Variants in PRDM15 observed in about 807,000 individuals in gnomAD.
PRDM15 encodes PR/SET domain 15, also known as PR domain zinc finger protein 15.
A neutral mutation model predicts 128.6 loss-of-function variants in PRDM15; 64 were observed. The observed-to-expected ratio is 0.50, with a 90% CI of 0.41 to 0.61. The LOEUF (loss-of-function observed/expected upper bound fraction) is 0.61. Among genes scored for constraint, PRDM15 ranks in the 20% least tolerant of loss-of-function variants. The pLI is 0.00. For synonymous variants in PRDM15, 615 were observed against 621.8 expected (o/e 0.99, Z 0.16); for missense variants, 1,242 against 1,569.1 (o/e 0.79, Z 3.52).
intron 5 of PRDM15, among the ~76,000 whole-genome samples, chr21:41,851,541 G>C (rs1342130746): frequency 6.6e-6 from 1 of 152,238 alleles, no homozygotes; most frequent in Non-Finnish European, 1.5e-5. Context: ...GGTGGCAGAG[G>C]GTGAGAGGCA....
At chr21:41,851,947 C>T (rs73906106) in intron 5 of PRDM15, among the ~76,000 whole-genome samples, 4,872 of 152,294 alleles carry the variant, frequency 0.032, 210 homozygotes, top group African/African-American at 0.094. Context: ...GGTGACCATA[C>T]GTTCCCATTT....
intron 19 of PRDM15, 33 bp downstream of exon 19, chr21:41,815,672 C>G (rs1375262047): frequency 6.2e-7 from 1 of 1,609,162 alleles, no homozygotes; most frequent in South Asian, 1.1e-5. Context: ...ACAGTGAGCG[C>G]CGTGGCTGGC....
rs751258278 is a variant in PRDM15 at position 41,810,214 on chromosome 21, G to A, written c.2592C>T (p.Cys864=). 1.2e-5 allele frequency: 19 copies of A among 1,612,606 alleles called. No individual in the cohort carries two copies. In the East Asian group the frequency reaches 1.8e-4, roughly 15 times the overall value. The change falls in exon 21 of 24, where the codon TGC becomes TGT. Residue 864 remains cysteine, a synonymous_variant. Transcript: ENST00000398548. This position sits in a 1 kb window ranked among gnomAD's most constrained non-coding sequence, Gnocchi z 6.4. The stretch of plus-strand genomic sequence containing the variant: ...AGGCCCTGGTGGACACCTTGGTCCC[G>A]CACAGCTGGCAGCTCTGCGCCTCCA... ...DKVEAQSCQL[C]GTKVSTRASM... is the part of the protein sequence containing the mutation.
chr21:41,817,342 G>A (rs2146343302), intron 18 of PRDM15, among the ~76,000 whole-genome samples: 1 of 152,278 alleles, frequency 6.6e-6, no homozygotes, highest in Middle Eastern at 3.4e-3. Flanking sequence ...TTCCTGAGTA[G>A]TTCAAGGCCC....
intron 6 of PRDM15, 84 bp from the exon 7 acceptor site, chr21:41,839,937 G>T: frequency 2.6e-6 from 3 of 1,139,494 alleles, no homozygotes; most frequent in Non-Finnish European, 3.8e-6. Flanking sequence ...TCCTATGTGT[G>T]TGTGTTTTCA....
intron 18 of PRDM15, among the ~76,000 whole-genome samples, chr21:41,816,205 C>T (rs1232772051): frequency 6.6e-6 from 1 of 152,262 alleles, no homozygotes; most frequent in African/African-American, 2.4e-5. Context: ...TCAACCTTGA[C>T]AATATGAGTG....
chr21:41,843,518 T>G (rs147271617), intron 6 of PRDM15, among the ~76,000 whole-genome samples: 57 of 152,352 alleles, frequency 3.7e-4, no homozygotes, highest in African/African-American at 1.3e-3. Flanking sequence ...AACATCCTTG[T>G]GATGTTTCGC....
intron 3 of PRDM15, chr21:41,858,995 C>T (rs1215173167): frequency 2.0e-6 from 3 of 1,495,020 alleles, no homozygotes; most frequent in African/African-American, 2.8e-5. Context: ...ACAGAGGCCA[C>T]CGAGGTCCGG....
At chr21:41,806,150 CCACCATCACCAT>C (rs1568880932) in intron 21 of PRDM15, among the ~76,000 whole-genome samples, 1 of 10,006 alleles carries the variant, frequency 1.0e-4, no homozygotes. Flanking sequence ...ACCACCACCA[CCACCATCACCAT>C]CACCACCACC....
At chr21:41,835,934 GGTTTGGCCGCTCT>G (rs1258114655) in intron 10 of PRDM15, among the ~76,000 whole-genome samples, 166 bp downstream of exon 10, 22 of 65,022 alleles carry the variant, frequency 3.4e-4, no homozygotes, top group Middle Eastern at 7.0e-3. Context: ...TCCCCCACAG[GGTTTGGCCGCTCT>G]CCTCCCTCCC....
Position 41,862,106 on chromosome 21 carries a change from C to A in PRDM15, c.-9-1734G>T. The A allele has an allele frequency of 1.2e-6, 1 of 858,562 alleles. No homozygotes were observed. The allele number at this position is 858,562 out of a possible 1,614,324, so 53.2% of individuals were successfully genotyped here. ...GAACAGGACAAAGGGCAGAAGAAAC[C>A]CAGAGTGGGGTGGGGAGGGCGCACG... On this transcript the variant is annotated intron_variant, in intron 1 of 23. Transcript: ENST00000398548. This position sits in a 1 kb window ranked among gnomAD's most constrained non-coding sequence, Gnocchi z 4.1.
rs766624839 is a variant in PRDM15, at chr21:41,850,797, TAA to T, written c.539-3608_539-3607del. The stretch of plus-strand genomic sequence containing the variant: ...AAAATCCACTACCAGAAAAAAATAA[TAA>T]GTTACTTTTAAAGGGATGTGTTACT... On this transcript the variant is annotated intron_variant, in intron 5 of 23. Transcript: ENST00000398548. Among the ~76,000 whole-genome samples, 114 of 152,038 alleles carry T rather than the reference TAA, an allele frequency of 7.5e-4. 1 individual carries two copies. The highest frequency in any genetic ancestry group is 4.2e-4 in the South Asian group (2 of 4,818).
rs1244307770 is a variant in PRDM15, at chr21:41,806,718, C to CACT, written c.2653-2105_2653-2104insAGT. ...CACCACCCATCACTACCACCAACATCACCACCATCACCATCACCATACCAC... is the reference window on the plus strand; with the variant it reads ...CACCACCCATCACTACCACCAACATCACTACCACCATCACCATCACCATACCAC... On this transcript the variant is annotated intron_variant, in intron 21 of 23. Transcript: ENST00000398548. Among the ~76,000 whole-genome samples, 31 of 101,346 alleles carry CACT rather than the reference C, an allele frequency of 3.1e-4. 1 individual carries two copies. The highest frequency in any genetic ancestry group is 1.2e-3 in the African/African-American group (28 of 23,458). The allele number at this position is 101,346 out of a possible 152,430, so 66.5% of individuals were successfully genotyped here. A position where few individuals can be genotyped will look rare whatever the true frequency, so the allele number is the denominator to read the frequency against.
At position 41,839,765 on chromosome 21, in the gene PRDM15, T is replaced by C. The variant is rs750641383; in HGVS notation, c.729A>G (p.Thr243=). The change falls in exon 7 of 24, where the codon ACA becomes ACG. Residue 243 remains threonine, a synonymous_variant. Coordinates refer to ENST00000398548, the MANE Select transcript of PRDM15 (RefSeq NM_001040424.3). ...EAAAPEKEQD[T]PRGEPPAVPE... is the part of the protein sequence containing the mutation. ...GCACTGCAGGGGGTTCCCCCCGGGG[T>C]GTGTCCTGCTCCTTCTCGGGAGCTG... The C allele has an allele frequency of 1.2e-6, 2 of 1,614,238 alleles. No individual in the cohort carries two copies. Among genetic ancestry groups the C allele is most frequent in the South Asian group, 2.2e-5 (2 of 91,088 alleles).
intron 18 of PRDM15, 133 bp from the exon 19 acceptor site, chr21:41,815,969 G>T: frequency 8.8e-7 from 1 of 1,131,008 alleles, no homozygotes; most frequent in Non-Finnish European, 1.2e-6. Flanking sequence ...GGCCCCCGAG[G>T]ATCCCGGTCA....
chr21:41,879,113 A>G lies in PRDM15; in HGVS notation c.-10+157T>C, dbSNP rs1407106507. ...GCGAATGTAACAAAGAACAGTCGGCATGGCGGCTGGACCGGGGCGGCGCGC... is the reference window on the plus strand; with the variant it reads ...GCGAATGTAACAAAGAACAGTCGGCGTGGCGGCTGGACCGGGGCGGCGCGC... On this transcript the variant is annotated intron_variant, in intron 1 of 23. Transcript: ENST00000398548. The surrounding 1 kb of genome is among the most constrained non-coding windows in gnomAD (Gnocchi z 5.1). 1 of 1,079,746 alleles carries G rather than the reference A, an allele frequency of 9.3e-7. No homozygotes were observed. The highest frequency in any genetic ancestry group is 2.5e-5 in the South Asian group (1 of 39,540). 66.9% of individuals were successfully genotyped at this position (1,079,746 alleles called of 1,614,324 possible). A position where few individuals can be genotyped will look rare whatever the true frequency, so the allele number is the denominator to read the frequency against.
Position 41,810,515 on chromosome 21 carries a change from G to T in PRDM15, c.2477-186C>A. 1 of 662,290 alleles carries T rather than the reference G, an allele frequency of 1.5e-6. No individual in the cohort carries two copies. The highest frequency in any genetic ancestry group is 2.6e-6 in the Non-Finnish European group (1 of 390,364). The allele number at this position is 662,290 out of a possible 1,614,324, so 41.0% of individuals were successfully genotyped here. A position where few individuals can be genotyped will look rare whatever the true frequency, so the allele number is the denominator to read the frequency against. On this transcript the variant is annotated intron_variant, in intron 20 of 23. Coordinates refer to ENST00000398548, the MANE Select transcript of PRDM15 (RefSeq NM_001040424.3). This position sits in a 1 kb window ranked among gnomAD's most constrained non-coding sequence, Gnocchi z 6.4. ...GCACAGAGCCTCTGTCCCTTGGGGA[G>T]CACTGCCAGCAGCAGCTGCATCACG...
At chr21:41,878,221 G>T (rs897108143) in intron 1 of PRDM15, among the ~76,000 whole-genome samples, 1 of 152,186 alleles carries the variant, frequency 6.6e-6, no homozygotes, top group South Asian at 2.1e-4. Flanking sequence ...AGCCAATGTG[G>T]TTTTTTTAAA....
intron 21 of PRDM15, among the ~76,000 whole-genome samples, chr21:41,809,301 C>T (rs1021089829): frequency 6.7e-5 from 10 of 149,082 alleles, no homozygotes; most frequent in African/African-American, 2.2e-4. Flanking sequence ...GGCGCAATCT[C>T]GGCTCACTGC....
Sources: gnomAD v4.1 joint callset for allele counts (sites outside exome capture counted in the v4.1 genomes callset) on GRCh38, gnomAD v4.1.1 for gene constraint, Gnocchi (gnomAD v3.1) non-coding constraint, MANE v1.5 for transcripts, NCBI Gene and HGNC (gene_info 2026-07-23, HGNC 2026-07-21) for gene names.